PTPRD: variants seen among roughly 807,000 people sequenced by gnomAD.
PTPRD encodes the protein protein tyrosine phosphatase receptor type D.
A neutral mutation model predicts 214.5 loss-of-function variants in PTPRD; 34 were observed. The ratio of observed to expected loss-of-function variants is 0.16; its 90% confidence interval spans 0.12 to 0.21. The LOEUF (loss-of-function observed/expected upper bound fraction) is 0.21, where lower values mean the gene tolerates loss of function less well. PTPRD is among the 10% of genes least tolerant of loss of function. The probability of loss-of-function intolerance (pLI) is 1.00; values close to 1 mark genes in which losing one functional copy is unlikely to be tolerated. For missense variants in PTPRD, 2,545 were observed against 2,398.7 expected (o/e 1.06, Z -1.27); for synonymous variants, 1,128 against 845.7 (o/e 1.33, Z -5.79).
chr9:10,301,331 G>T (rs1221054103), intron 3 of PTPRD, among the ~76,000 whole-genome samples: 3 of 152,170 alleles, frequency 2.0e-5, no homozygotes, highest in Non-Finnish European at 4.4e-5. Flanking sequence ...CAAAAAGGCT[G>T]AAAACTCCAA....
chr9:9,351,673 C>T (rs12552061), intron 9 of PTPRD, among the ~76,000 whole-genome samples: 19,172 of 151,940 alleles, frequency 0.13, 1,802 homozygotes, highest in East Asian at 0.52. Context: ...AAATACTTAT[C>T]TTCTCTTTTC....
At chr9:10,186,338 A>C (rs2099330175) in intron 3 of PTPRD, among the ~76,000 whole-genome samples, 1 of 152,134 alleles carries the variant, frequency 6.6e-6, no homozygotes, top group South Asian at 2.1e-4. Context: ...TGTTGTATAG[A>C]TTAAATATTT....
intron 9 of PTPRD, among the ~76,000 whole-genome samples, chr9:9,358,898 C>A (rs1167480859): frequency 6.6e-6 from 1 of 151,334 alleles, no homozygotes; most frequent in African/African-American, 2.4e-5. Flanking sequence ...AAGTTGATTG[C>A]ATCCAACCTT....
At chr9:10,537,419 T>C (rs544792481) in intron 2 of PTPRD, among the ~76,000 whole-genome samples, 1 of 152,154 alleles carries the variant, frequency 6.6e-6, no homozygotes, top group Non-Finnish European at 1.5e-5. Flanking sequence ...TTGTACTTAT[T>C]TTTATAATGT....
chr9:10,271,585 C>G (rs2094430066), intron 3 of PTPRD, among the ~76,000 whole-genome samples: 1 of 145,272 alleles, frequency 6.9e-6, no homozygotes, highest in Non-Finnish European at 1.5e-5. Flanking sequence ...CTCTGTCGCC[C>G]AGACCAGAGT....
At chr9:9,080,236 G>A (rs1297847614) in intron 10 of PTPRD, among the ~76,000 whole-genome samples, 1 of 152,036 alleles carries the variant, frequency 6.6e-6, no homozygotes, top group Non-Finnish European at 1.5e-5. Flanking sequence ...CATGGTGTAA[G>A]AGATGACCAA....
intron 10 of PTPRD, among the ~76,000 whole-genome samples, chr9:9,096,039 C>A (rs2099783015): frequency 1.3e-5 from 2 of 152,024 alleles, no homozygotes; most frequent in Non-Finnish European, 1.5e-5. Context: ...ATACATGGAA[C>A]AAAAATAATG....
Position 10,274,840 on chromosome 9 carries a change from A to C in PTPRD, c.-545+66123T>G, listed in dbSNP as rs933315673. 3.3e-5 allele frequency among the ~76,000 whole-genome samples: 5 copies of C among 152,260 alleles called. No individual in the cohort carries two copies. In the East Asian group the frequency reaches 9.6e-4, roughly 29 times the overall value. ...CTAAAATCCCTTTTGTCCTTAGGAC[A>C]TTCAGGATCTAGACAGCAGCAATGG... On this transcript the variant is annotated intron_variant, in intron 3 of 45. Coordinates refer to ENST00000381196, the MANE Select transcript of PTPRD (RefSeq NM_002839.4).
chr9:9,545,821 A>T (rs2078665392), intron 8 of PTPRD, among the ~76,000 whole-genome samples: 1 of 151,830 alleles, frequency 6.6e-6, no homozygotes, highest in South Asian at 2.1e-4. Context: ...TAGTTTATTG[A>T]TATCTACAAA....
At chr9:10,436,539 A>G (rs2098719071) in intron 2 of PTPRD, among the ~76,000 whole-genome samples, 1 of 151,814 alleles carries the variant, frequency 6.6e-6, no homozygotes, top group Non-Finnish European at 1.5e-5. Flanking sequence ...TGTATACAGT[A>G]CACATATTAT....
intron 9 of PTPRD, among the ~76,000 whole-genome samples, chr9:9,328,931 C>T (rs1196877465): frequency 1.3e-5 from 2 of 151,864 alleles, no homozygotes; most frequent in Non-Finnish European, 2.9e-5. Flanking sequence ...AGCCACCGCG[C>T]CTAGCATTTT....
At chr9:9,233,840 A>G (rs1394681002) in intron 9 of PTPRD, among the ~76,000 whole-genome samples, 1 of 152,180 alleles carries the variant, frequency 6.6e-6, no homozygotes, top group African/African-American at 2.4e-5. Context: ...GGCCTTGTGT[A>G]GTTCTGCCCC....
At chr9:9,477,921 A>T (rs952394529) in intron 8 of PTPRD, among the ~76,000 whole-genome samples, 2 of 152,142 alleles carry the variant, frequency 1.3e-5, no homozygotes, top group Non-Finnish European at 2.9e-5. Context: ...GTTCTCAAAA[A>T]CTCAGGCTGG....
At chr9:10,262,256 G>A (rs1449576775) in intron 3 of PTPRD, among the ~76,000 whole-genome samples, 2 of 151,998 alleles carry the variant, frequency 1.3e-5, no homozygotes, top group East Asian at 3.8e-4. Context: ...TTGAAAAAGG[G>A]ACTACAAACT....
chr9:10,214,460 T>C lies in PTPRD; in HGVS notation c.-545+126503A>G, dbSNP rs963153586. ...TTTTTTTTTTTTTTGCATTTTAATA[T>C]AGATGGGGTTTCACCATGTTGGCCA... is the stretch of plus-strand genomic sequence containing the variant. On this transcript the variant is annotated intron_variant, in intron 3 of 45. Coordinates refer to ENST00000381196, the MANE Select transcript of PTPRD (RefSeq NM_002839.4). Among the ~76,000 whole-genome samples the C allele has an allele frequency of 2.1e-5, 3 of 145,662 alleles. No homozygotes were observed. The East Asian group carries it at 6.1e-4, about 30-fold the overall frequency.
intron 2 of PTPRD, among the ~76,000 whole-genome samples, chr9:10,592,169 C>G (rs1450959146): frequency 2.6e-5 from 4 of 151,974 alleles, no homozygotes; most frequent in Non-Finnish European, 4.4e-5. Flanking sequence ...AGGAATTGGT[C>G]TGAACTCCCC....
intron 39 of PTPRD, among the ~76,000 whole-genome samples, chr9:8,374,657 A>G (rs1329416064): frequency 6.6e-6 from 1 of 151,954 alleles, no homozygotes; most frequent in African/African-American, 2.4e-5. Flanking sequence ...TCTTAACCCA[A>G]CATACTGTTG....
intron 11 of PTPRD, among the ~76,000 whole-genome samples, chr9:8,938,912 C>T (rs1035932548): frequency 6.6e-6 from 1 of 152,136 alleles, no homozygotes; most frequent in African/African-American, 2.4e-5. Context: ...ATTATATGCT[C>T]AGCATTTGTC....
intron 3 of PTPRD, among the ~76,000 whole-genome samples, chr9:10,249,860 A>G (rs549565127): frequency 1.3e-4 from 20 of 152,208 alleles, no homozygotes; most frequent in Non-Finnish European, 2.4e-4. Context: ...GCAATAAGCT[A>G]GAAAATGACT....
Sources: allele counts gnomAD v4.1 joint callset (sites outside exome capture counted in the v4.1 genomes callset), GRCh38; gene constraint gnomAD v4.1.1; transcripts MANE v1.5; gene names NCBI Gene and HGNC (gene_info 2026-07-23, HGNC 2026-07-21).